The following GMCL1 variants were observed in gnomAD, a reference collection of about 807,000 sequenced individuals.
The protein encoded by GMCL1 is germ cell-less 1, spermatogenesis associated.
A neutral mutation model predicts 75.5 loss-of-function variants in GMCL1; 54 were observed. The observed-to-expected ratio is 0.71, with a 90% CI of 0.57 to 0.90. The LOEUF (loss-of-function observed/expected upper bound fraction) is 0.90, where lower values mean the gene tolerates loss of function less well. GMCL1 is among the 40% of genes least tolerant of loss of function. GMCL1 has a pLI of 0.00. For synonymous variants in GMCL1, 210 were observed against 209.6 expected (o/e 1.00, Z -0.02); for missense variants, 537 against 622.7 (o/e 0.86, Z 1.47).
At chr2:69,837,385 C>T (rs1296965221) in intron 1 of GMCL1, among the ~76,000 whole-genome samples, 162 bp from the exon 2 acceptor site, 1 of 152,012 alleles carries the variant, frequency 6.6e-6, no homozygotes, top group Non-Finnish European at 1.5e-5. Flanking sequence ...CTTCTAGACA[C>T]AAGAAAATTT....
At position 69,854,908 on chromosome 2, in the gene GMCL1, C is replaced by T; in HGVS notation, c.1020C>T (p.Ile340=). ...GACATTTAAGGTTACAATATATTAT[C>T]AGTGATCTGGCTTCTGCAAGAATTA... ...VFRHLRLQYI[I]SDLASARIIE... The change falls in exon 9 of 14, where the codon ATC becomes ATT. Residue 340 remains isoleucine, a synonymous_variant. Transcript: ENST00000282570. 12 of 1,610,166 alleles carry T rather than the reference C, an allele frequency of 7.5e-6. No individual in the cohort carries two copies. Among genetic ancestry groups the T allele is most frequent in the Non-Finnish European group, 1.0e-5 (12 of 1,177,448 alleles).
At chr2:69,859,613 A>G (rs1466950365) in intron 9 of GMCL1, among the ~76,000 whole-genome samples, 2 of 151,658 alleles carry the variant, frequency 1.3e-5, no homozygotes, top group Non-Finnish European at 2.9e-5. Context: ...GCAGACACCT[A>G]TAGTCCCAGC....
intron 1 of GMCL1, among the ~76,000 whole-genome samples, chr2:69,831,621 A>G (rs1417152099): frequency 2.0e-5 from 3 of 150,240 alleles, no homozygotes; most frequent in Non-Finnish European, 4.4e-5. Flanking sequence ...ATTTTTCTCT[A>G]TTTTGAGACA....
intron 13 of GMCL1, among the ~76,000 whole-genome samples, chr2:69,874,905 CT>C (rs1676083322): frequency 6.6e-6 from 1 of 151,896 alleles, no homozygotes; most frequent in Non-Finnish European, 1.5e-5. Context: ...CCATGCCCAG[CT>C]AACTTTTTTG....
intron 1 of GMCL1, among the ~76,000 whole-genome samples, chr2:69,836,360 G>A (rs1014336479): frequency 2.0e-5 from 3 of 152,146 alleles, no homozygotes; most frequent in Non-Finnish European, 4.4e-5. Flanking sequence ...ATGTAATTTG[G>A]GGAGGGATGG....
chr2:69,860,820 G>A (rs1327664524), intron 9 of GMCL1, among the ~76,000 whole-genome samples: 1 of 152,048 alleles, frequency 6.6e-6, no homozygotes, highest in African/African-American at 2.4e-5. Flanking sequence ...CTACCTACCA[G>A]TTTCGTTTGT....
intron 9 of GMCL1, among the ~76,000 whole-genome samples, chr2:69,858,126 G>A (rs191285623): frequency 3.3e-5 from 5 of 152,224 alleles, no homozygotes; most frequent in Admixed American, 6.5e-5. Flanking sequence ...GATCAGATCC[G>A]TGACGCTGTC....
At chr2:69,864,177 T>C (rs1675740156) in intron 10 of GMCL1, among the ~76,000 whole-genome samples, 1 of 152,086 alleles carries the variant, frequency 6.6e-6, no homozygotes. Flanking sequence ...ATTAGTCTTA[T>C]TTACACTTAT....
At chr2:69,835,376 GT>G (rs1674789885) in intron 1 of GMCL1, among the ~76,000 whole-genome samples, 1 of 151,852 alleles carries the variant, frequency 6.6e-6, no homozygotes, top group Admixed American at 6.6e-5. Flanking sequence ...GTGAGAGGGT[GT>G]TTTTTTCCTC....
intron 10 of GMCL1, 112 bp downstream of exon 10, chr2:69,861,459 G>C (rs763595947): frequency 1.7e-4 from 101 of 599,126 alleles, no homozygotes; most frequent in Non-Finnish European, 7.6e-5. Context: ...AGCTGTTGAA[G>C]TAAAGATCAT....
intron 11 of GMCL1, among the ~76,000 whole-genome samples, chr2:69,868,952 CAA>C (rs1160310697): frequency 2.0e-5 from 3 of 148,884 alleles, no homozygotes; most frequent in Non-Finnish European, 4.5e-5. Context: ...CGTCTCTACT[CAA>C]AATACAAAAA....
rs547369784 is a variant in GMCL1, at chr2:69,836,264, T to C, written c.261-1283T>C. Among the ~76,000 whole-genome samples the C allele has an allele frequency of 2.7e-4, 41 of 152,342 alleles. No individual in the cohort carries two copies. In the South Asian group the frequency reaches 8.5e-3, roughly 32 times the overall value. On this transcript the variant is annotated intron_variant, in intron 1 of 13. Transcript: ENST00000282570. ...TTGAATTTGTTTTCTAACTTTCAGA[T>C]CTGTATAAATCTCTCATCAAGTGAT... is the stretch of plus-strand genomic sequence containing the variant.
chr2:69,861,235 T>C, intron 9 of GMCL1, 43 bp from the exon 10 acceptor site: 1 of 1,298,566 alleles, frequency 7.7e-7, no homozygotes, highest in Non-Finnish European at 1.1e-6. Context: ...CTTTATGTTC[T>C]TCAGTCGTTA....
intron 2 of GMCL1, among the ~76,000 whole-genome samples, chr2:69,839,026 C>G (rs1573343319): frequency 6.6e-6 from 1 of 152,210 alleles, no homozygotes; most frequent in Non-Finnish European, 1.5e-5. Context: ...CAGGTCCATT[C>G]TGGACATTTC....
chr2:69,849,713 C>T lies in GMCL1; in HGVS notation c.905C>T (p.Thr302Ile). The T allele has an allele frequency of 6.3e-7, 1 of 1,591,718 alleles. No individual in the cohort carries two copies. Among genetic ancestry groups the T allele is most frequent in the South Asian group, 1.2e-5 (1 of 84,710 alleles). Residue 302 changes from threonine (T) to isoleucine (I), a missense_variant, in exon 8 of 14, where the codon ACA becomes ATA. Transcript: ENST00000282570. The part of the protein sequence containing the change: ...NGSLKQLLTE[T>I]DVWFSKQRKD... ...TCTTTAAAACAGCTTTTGACAGAAA[C>T]AGATGTCTGGTTTTCTAAACAGAGG... is the stretch of plus-strand genomic sequence containing the variant.
rs576671771 is a variant in GMCL1 at position 69,868,070 on chromosome 2, C to G, written c.1219-1649C>G. 2.6e-5 allele frequency among the ~76,000 whole-genome samples: 4 copies of G among 152,316 alleles called. No individual in the cohort carries two copies. The East Asian group carries it at 7.7e-4, about 29-fold the overall frequency. On this transcript the variant is annotated intron_variant, in intron 11 of 13. Coordinates refer to ENST00000282570, the MANE Select transcript of GMCL1 (RefSeq NM_178439.5). ...ACTTCTATCTTAGTCCATTCCCTCT[C>G]TTTGTACTGGACTCTATCCATGCTC... is the stretch of plus-strand genomic sequence containing the variant.
At chr2:69,876,683 A>G (rs1676136721) in intron 13 of GMCL1, among the ~76,000 whole-genome samples, 1 of 152,128 alleles carries the variant, frequency 6.6e-6, no homozygotes. Context: ...AAAAGCTGGG[A>G]TGGAGAATCA....
At chr2:69,878,733 T>A (rs928512898) in intron 13 of GMCL1, among the ~76,000 whole-genome samples, 176 bp from the exon 14 acceptor site, 1 of 152,192 alleles carries the variant, frequency 6.6e-6, no homozygotes, top group African/African-American at 2.4e-5. Context: ...GTCCCCATCT[T>A]ACAGTGAGGA....
intron 13 of GMCL1, among the ~76,000 whole-genome samples, chr2:69,878,239 G>A (rs955157194): frequency 6.6e-6 from 1 of 152,206 alleles, no homozygotes; most frequent in Non-Finnish European, 1.5e-5. Context: ...TTGTCATAGG[G>A]ACAGTGGGAA....
Sources: gnomAD v4.1 joint callset for allele counts (sites outside exome capture counted in the v4.1 genomes callset) on GRCh38, gnomAD v4.1.1 for gene constraint, MANE v1.5 for transcripts, NCBI Gene and HGNC (gene_info 2026-07-23, HGNC 2026-07-21) for gene names.